KIF26B: variants seen among roughly 807,000 people sequenced by gnomAD.
The protein encoded by KIF26B is kinesin-like protein KIF26B.
A neutral mutation model predicts 151.2 loss-of-function variants in KIF26B; 63 were observed. The ratio of observed to expected loss-of-function variants is 0.42; its 90% CI spans 0.34 to 0.51. The LOEUF (loss-of-function observed/expected upper bound fraction) is 0.51. Ranked by LOEUF, KIF26B falls within the 20% of genes least tolerant of loss-of-function variation. The probability of loss-of-function intolerance (pLI) is 0.07; values close to 1 mark genes in which losing one functional copy is unlikely to be tolerated. For synonymous variants in KIF26B, 1,357 were observed against 1,262.1 expected, an observed-to-expected ratio of 1.08 and a Z score of -1.59; for missense variants, 2,813 against 2,913.6, an observed-to-expected ratio of 0.97 and a Z score of 0.79.
At chr1:245,666,192 G>C (rs2044212545) in intron 10 of KIF26B, among the ~76,000 whole-genome samples, 1 of 151,620 alleles carries the variant, frequency 6.6e-6, no homozygotes, top group Non-Finnish European at 1.5e-5. Context: ...AGTATAGATG[G>C]GGTTTCACCA....
At chr1:245,189,448 C>T (rs565329644) in intron 2 of KIF26B, among the ~76,000 whole-genome samples, 11 of 152,276 alleles carry the variant, frequency 7.2e-5, no homozygotes, top group Admixed American at 6.5e-4. Context: ...AAGTTTATCT[C>T]ACTGTTATTC....
chr1:245,629,895 G>GAAA (rs34461703), intron 9 of KIF26B, among the ~76,000 whole-genome samples: 93,097 of 151,378 alleles, frequency 0.61, 28,835 homozygotes, highest in East Asian at 0.77. Context: ...AAATTTACAA[G>GAAA]AAAAACAAAC....
intron 2 of KIF26B, among the ~76,000 whole-genome samples, chr1:245,271,664 G>A (rs952015953): frequency 6.7e-6 from 1 of 149,258 alleles, no homozygotes; most frequent in African/African-American, 2.5e-5. Context: ...CACATTGATT[G>A]ACTTTTGTAT....
intron 2 of KIF26B, among the ~76,000 whole-genome samples, chr1:245,309,327 G>GT (rs1359355821): frequency 6.6e-6 from 1 of 152,186 alleles, no homozygotes; most frequent in Admixed American, 6.5e-5. Flanking sequence ...ACTGGTGCAG[G>GT]TGAGTCTCAT....
chr1:245,305,945 A>G (rs1422351475), intron 2 of KIF26B, among the ~76,000 whole-genome samples: 1 of 151,494 alleles, frequency 6.6e-6, no homozygotes, highest in Non-Finnish European at 1.5e-5. Flanking sequence ...TCAAAAAAAA[A>G]AAAAAAAAAA....
chr1:245,647,452 A>G (rs540443021), intron 10 of KIF26B, among the ~76,000 whole-genome samples: 1 of 150,792 alleles, frequency 6.6e-6, no homozygotes, highest in African/African-American at 2.5e-5. Context: ...AAGAAAAAAA[A>G]GAAAATTTAT....
intron 3 of KIF26B, among the ~76,000 whole-genome samples, chr1:245,418,309 C>G: frequency 6.6e-6 from 1 of 152,226 alleles, no homozygotes; most frequent in East Asian, 1.9e-4. Context: ...GTTTCTGTCA[C>G]TTGGGTCAAG....
chr1:245,179,839 A>T (rs1182562927), intron 2 of KIF26B, among the ~76,000 whole-genome samples: 1 of 152,162 alleles, frequency 6.6e-6, no homozygotes, highest in Non-Finnish European at 1.5e-5. Flanking sequence ...TGCTTTGGAG[A>T]CAGAGGGTGG....
chr1:245,569,679 C>T (rs1459307513), intron 5 of KIF26B, among the ~76,000 whole-genome samples: 1 of 151,910 alleles, frequency 6.6e-6, no homozygotes, highest in East Asian at 1.9e-4. Flanking sequence ...GTAGTTCCAG[C>T]TACTCGGGAG....
Position 245,687,846 on chromosome 1 carries a change from C to T in KIF26B, c.4863C>T (p.Ser1621=), listed in dbSNP as rs1381215589. 1.9e-6 allele frequency: 3 copies of T among 1,593,160 alleles called. No individual in the cohort carries two copies. Among genetic ancestry groups the T allele is most frequent in the Non-Finnish European group, 1.7e-6 (2 of 1,171,002 alleles). The change falls in exon 12 of 15, where the codon AGC becomes AGT. Residue 1621 remains serine, a synonymous_variant. Coordinates refer to ENST00000407071, the MANE Select transcript of KIF26B (RefSeq NM_018012.4). This position sits in a 1 kb window ranked among gnomAD's most constrained non-coding sequence, Gnocchi z 4.9. Reference sequence around the variant, plus strand: ...GCCCTCAGCACAGTGCCAGCGGCAGCGGCACCAGCAGCCCCCTGAACCAAC... The same window carrying T: ...GCCCTCAGCACAGTGCCAGCGGCAGTGGCACCAGCAGCCCCCTGAACCAAC... ...RASPQHSASG[S]GTSSPLNQPA...
At chr1:245,556,923 G>A (rs1662054104) in intron 5 of KIF26B, among the ~76,000 whole-genome samples, 1 of 152,138 alleles carries the variant, frequency 6.6e-6, no homozygotes, top group South Asian at 2.1e-4. Context: ...CATTTTCCCA[G>A]CAGCGTGGAA....
At chr1:245,317,666 A>G (rs868570340) in intron 2 of KIF26B, among the ~76,000 whole-genome samples, 1 of 152,194 alleles carries the variant, frequency 6.6e-6, no homozygotes, top group African/African-American at 2.4e-5. Context: ...GAAGACCCGC[A>G]TTCCAGAGCT....
intron 2 of KIF26B, among the ~76,000 whole-genome samples, chr1:245,320,166 A>C (rs1426560093): frequency 6.6e-6 from 1 of 152,220 alleles, no homozygotes; most frequent in East Asian, 1.9e-4. Flanking sequence ...CACACAGTTC[A>C]CACAGTGCTC....
chr1:245,567,141 G>T (rs2043018321), intron 5 of KIF26B, among the ~76,000 whole-genome samples: 1 of 152,202 alleles, frequency 6.6e-6, no homozygotes, highest in African/African-American at 2.4e-5. Context: ...GACAGTCAGC[G>T]TTTATTGTCT....
At chr1:245,176,364 G>C (rs565664281) in intron 2 of KIF26B, among the ~76,000 whole-genome samples, 1 of 152,252 alleles carries the variant, frequency 6.6e-6, no homozygotes, top group Non-Finnish European at 1.5e-5. Flanking sequence ...GATCTATGAA[G>C]GTCATACTGG....
At chr1:245,639,972 T>C (rs1322635068) in intron 9 of KIF26B, among the ~76,000 whole-genome samples, 1 of 151,102 alleles carries the variant, frequency 6.6e-6, no homozygotes, top group African/African-American at 2.4e-5. Flanking sequence ...ATCTGTTAGG[T>C]CCCTTTGGTC....
At position 245,537,403 on chromosome 1, in the gene KIF26B, C is replaced by T. The variant is rs142421278; in HGVS notation, c.1167-3364C>T. Among the ~76,000 whole-genome samples the T allele has an allele frequency of 4.9e-3, 744 of 152,282 alleles. 9 individuals carry two copies. The highest frequency in any genetic ancestry group is 0.016 in the African/African-American group (677 of 41,558). On this transcript the variant is annotated intron_variant, in intron 4 of 14. Transcript: ENST00000407071. ...CACTGCAAGTACTTTGGCTTTTACT[C>T]TGAGTGATATGGAGAGCCAAAGGGA...
chr1:245,589,308 T>C (rs1277124528), intron 5 of KIF26B, among the ~76,000 whole-genome samples: 1 of 152,128 alleles, frequency 6.6e-6, no homozygotes, highest in East Asian at 1.9e-4. Flanking sequence ...GCAGTGGGCC[T>C]GGAGAAGGAC....
chr1:245,436,176 C>CAA (rs1190717376), intron 4 of KIF26B, among the ~76,000 whole-genome samples: 21 of 107,610 alleles, frequency 2.0e-4, no homozygotes, highest in African/African-American at 5.0e-4. Context: ...GACTCTGTCT[C>CAA]AAAAAAAAAA....
Sources: allele counts gnomAD v4.1 joint callset (sites outside exome capture counted in the v4.1 genomes callset), GRCh38; gene constraint gnomAD v4.1.1; non-coding constraint Gnocchi (gnomAD v3.1); transcripts MANE v1.5; gene names NCBI Gene and HGNC (gene_info 2026-07-23, HGNC 2026-07-21).